The following NTNG1 variants were observed in gnomAD, a reference collection of about 807,000 sequenced individuals.
NTNG1 encodes netrin-G1.
In NTNG1, 16 loss-of-function variants were observed where a neutral mutation model predicts 54.0. That is an observed-to-expected ratio of 0.30 (90% confidence interval 0.20 to 0.45). The LOEUF is 0.45. Among genes scored for constraint, NTNG1 ranks in the 20% least tolerant of loss-of-function variants. The pLI, the probability that NTNG1 is intolerant of heterozygous loss-of-function variation, is 1.00. For missense variants in NTNG1, 530 were observed against 678.7 expected (o/e 0.78, Z 2.43); for synonymous variants, 255 against 263.1 (o/e 0.97, Z 0.30).
chr1:107,295,307 G>T (rs1434671410), intron 2 of NTNG1, among the ~76,000 whole-genome samples: 1 of 152,090 alleles, frequency 6.6e-6, no homozygotes, highest in Non-Finnish European at 1.5e-5. Flanking sequence ...CATTCATTGT[G>T]GATATATCCA....
chr1:107,144,460 G>T (rs1557756453), intron 1 of NTNG1, among the ~76,000 whole-genome samples: 1 of 152,074 alleles, frequency 6.6e-6, no homozygotes, highest in Non-Finnish European at 1.5e-5. Context: ...CTGAAAACCA[G>T]CTAGATTAGG....
At chr1:107,417,380 G>C (rs896364345) in intron 5 of NTNG1, among the ~76,000 whole-genome samples, 1 of 152,054 alleles carries the variant, frequency 6.6e-6, no homozygotes, top group African/African-American at 2.4e-5. Flanking sequence ...CAAGTCTCTT[G>C]TCTTGGAAGA....
At chr1:107,469,881 T>TA (rs202078063) in intron 7 of NTNG1, among the ~76,000 whole-genome samples, 2,844 of 152,224 alleles carry the variant, frequency 0.019, 94 homozygotes, top group African/African-American at 0.064. Context: ...TTTTTTTTTT[T>TA]AATTAGTTTA....
chr1:107,393,659 A>G (rs1443863798), intron 3 of NTNG1, among the ~76,000 whole-genome samples: 1 of 151,598 alleles, frequency 6.6e-6, no homozygotes, highest in African/African-American at 2.4e-5. Flanking sequence ...GTTTGAGTAG[A>G]TGGTGATTGC....
chr1:107,410,921 C>T (rs1673757347), intron 5 of NTNG1, among the ~76,000 whole-genome samples: 2 of 152,124 alleles, frequency 1.3e-5, no homozygotes, highest in Admixed American at 1.3e-4. Flanking sequence ...GGGTGATCAT[C>T]ACTTCTTACA....
intron 3 of NTNG1, among the ~76,000 whole-genome samples, chr1:107,331,414 C>T (rs1369150910): frequency 3.9e-5 from 6 of 152,098 alleles, no homozygotes; most frequent in Non-Finnish European, 1.5e-5. Flanking sequence ...TAACTTCTTA[C>T]TTCATTTTTA....
At chr1:107,262,085 G>A (rs891427473) in intron 2 of NTNG1, among the ~76,000 whole-genome samples, 10 of 152,128 alleles carry the variant, frequency 6.6e-5, no homozygotes, top group Non-Finnish European at 1.2e-4. Context: ...GTACCTAAGT[G>A]CTGTTTACAT....
intron 2 of NTNG1, among the ~76,000 whole-genome samples, chr1:107,298,734 C>T (rs1011441302): frequency 6.6e-6 from 1 of 152,164 alleles, no homozygotes; most frequent in Non-Finnish European, 1.5e-5. Context: ...CCTGCACATG[C>T]ACACATCTGG....
At chr1:107,154,622 A>C (rs925373530) in intron 2 of NTNG1, among the ~76,000 whole-genome samples, 5 of 138,444 alleles carry the variant, frequency 3.6e-5, no homozygotes, top group African/African-American at 5.6e-5. Flanking sequence ...AAAAAAAAAA[A>C]AACTGGGTGG....
In NTNG1 at chr1:107,482,248, CA is replaced by C. The variant is rs1188267683; in HGVS notation, c.*1410del. ...TGTTTACATGGAGTATCACAAGACG[CA>C]ACCTGGGGAACCAGGAAGGGAGCAG... On this transcript the variant is annotated 3_prime_UTR_variant, in exon 8 of 8. Coordinates refer to ENST00000370068, the MANE Select transcript of NTNG1 (RefSeq NM_001113226.3). 6.6e-6 allele frequency: 1 copy of C among 152,094 alleles called. No individual in the cohort carries two copies. Among genetic ancestry groups the C allele is most frequent in the Non-Finnish European group, 1.5e-5 (1 of 68,024 alleles). The allele number at this position is 152,094 out of a possible 1,614,324, so 9.4% of individuals were successfully genotyped here.
chr1:107,297,259 A>C (rs1666039671), intron 2 of NTNG1, among the ~76,000 whole-genome samples: 1 of 144,686 alleles, frequency 6.9e-6, no homozygotes, highest in African/African-American at 2.5e-5. Flanking sequence ...GCACACACAC[A>C]CACACACAGC....
chr1:107,336,251 A>C (rs1217559040), intron 3 of NTNG1, among the ~76,000 whole-genome samples: 1 of 151,666 alleles, frequency 6.6e-6, no homozygotes, highest in Non-Finnish European at 1.5e-5. Context: ...TGGTACTGAC[A>C]TAAAGATAGA....
intron 2 of NTNG1, among the ~76,000 whole-genome samples, chr1:107,230,060 A>C (rs1025811399): frequency 1.3e-5 from 2 of 152,176 alleles, no homozygotes; most frequent in Admixed American, 1.3e-4. Context: ...CTGAGGCAAA[A>C]TATGGAAGAT....
At chr1:107,206,688 GT>G (rs1422246191) in intron 2 of NTNG1, among the ~76,000 whole-genome samples, 1 of 152,128 alleles carries the variant, frequency 6.6e-6, no homozygotes, top group Non-Finnish European at 1.5e-5. Context: ...AAATATGTAA[GT>G]TTTAGATTTT....
intron 3 of NTNG1, among the ~76,000 whole-genome samples, chr1:107,341,727 A>C (rs1668907894): frequency 6.6e-6 from 1 of 152,110 alleles, no homozygotes; most frequent in African/African-American, 2.4e-5. Context: ...AAAAAGGAGA[A>C]TATGTTTCAG....
chr1:107,284,992 G>T (rs1039944044), intron 2 of NTNG1, among the ~76,000 whole-genome samples: 1 of 152,022 alleles, frequency 6.6e-6, no homozygotes, highest in African/African-American at 2.4e-5. Context: ...TGAATAATTT[G>T]TATCTCACTG....
At chr1:107,193,658 A>G (rs552429127) in intron 2 of NTNG1, among the ~76,000 whole-genome samples, 36 of 151,958 alleles carry the variant, frequency 2.4e-4, no homozygotes, top group Non-Finnish European at 4.6e-4. Flanking sequence ...GGTCCAAGTG[A>G]AGGTTCAGGC....
intron 2 of NTNG1, among the ~76,000 whole-genome samples, chr1:107,167,749 GA>G (rs1655915325): frequency 6.6e-6 from 1 of 151,950 alleles, no homozygotes; most frequent in Non-Finnish European, 1.5e-5. Flanking sequence ...ATATTTGAAT[GA>G]AAGCGTGAGT....
intron 3 of NTNG1, among the ~76,000 whole-genome samples, chr1:107,376,196 G>A (rs888188043): frequency 1.3e-5 from 2 of 151,958 alleles, no homozygotes; most frequent in Non-Finnish European, 2.9e-5. Context: ...AGAGGTGGGC[G>A]GATCATGAGG....
Sources: gnomAD v4.1 joint callset for allele counts (sites outside exome capture counted in the v4.1 genomes callset) on GRCh38, gnomAD v4.1.1 for gene constraint, MANE v1.5 for transcripts, NCBI Gene and HGNC (gene_info 2026-07-23, HGNC 2026-07-21) for gene names.